The following PPP6R2 variants were observed in gnomAD, a reference collection of about 807,000 sequenced individuals.
The protein encoded by PPP6R2 is serine/threonine-protein phosphatase 6 regulatory subunit 2.
PPP6R2 carries 62 observed loss-of-function variants against 100.2 expected under a neutral mutation model. The ratio of observed to expected loss-of-function variants is 0.62; its 90% CI spans 0.50 to 0.76. The LOEUF (loss-of-function observed/expected upper bound fraction) is 0.76. Ranked by LOEUF, PPP6R2 falls within the 30% of genes least tolerant of loss-of-function variation. The pLI is 0.00. For synonymous variants in PPP6R2, 525 were observed against 514.7 expected (o/e 1.02, Z -0.27); for missense variants, 1,142 against 1,276.3 (o/e 0.89, Z 1.60).
chr22:50,397,711 T>C (rs12485070), intron 3 of PPP6R2, among the ~76,000 whole-genome samples: 234 of 6,604 alleles, frequency 0.035, 16 homozygotes, highest in South Asian at 0.057. Flanking sequence ...CTCACCAGCC[T>C]TGTCATCTCT....
intron 3 of PPP6R2, among the ~76,000 whole-genome samples, chr22:50,399,833 C>T (rs1375745752): frequency 6.6e-6 from 1 of 152,220 alleles, no homozygotes; most frequent in East Asian, 1.9e-4. Context: ...CACTGCCTGC[C>T]CAGGCCACAG....
intron 4 of PPP6R2, among the ~76,000 whole-genome samples, chr22:50,413,340 CATAAT>C (rs921037078): frequency 3.3e-5 from 5 of 152,184 alleles, no homozygotes; most frequent in East Asian, 3.9e-4. Flanking sequence ...ATTAATTTCT[CATAAT>C]ATAGCAGGTG....
At chr22:50,361,085 C>T (rs566308027) in intron 1 of PPP6R2, among the ~76,000 whole-genome samples, 1 of 152,322 alleles carries the variant, frequency 6.6e-6, no homozygotes, top group Admixed American at 6.5e-5. Flanking sequence ...CATCTCTAAG[C>T]CTGTGGAACT....
intron 3 of PPP6R2, among the ~76,000 whole-genome samples, chr22:50,398,507 T>C (rs2057481507): frequency 6.8e-6 from 1 of 147,160 alleles, no homozygotes; most frequent in African/African-American, 2.5e-5. Flanking sequence ...AAAAAAAACA[T>C]ATTAAGACTT....
At chr22:50,393,239 C>T (rs1301738247) in intron 2 of PPP6R2, among the ~76,000 whole-genome samples, 1 of 152,064 alleles carries the variant, frequency 6.6e-6, no homozygotes, top group Admixed American at 6.6e-5. Flanking sequence ...TGAGGAGGTG[C>T]CTGCTTCAGA....
In PPP6R2 at chr22:50,443,904, GC is replaced by G; in HGVS notation, c.2622del (p.Ala875ArgfsTer5). 6.3e-7 allele frequency: 1 copy of G among 1,590,838 alleles called. No individual in the cohort carries two copies. The highest frequency in any genetic ancestry group is 2.3e-5 in the East Asian group (1 of 43,474). ...CADSRLLSPA[C>X]PAPKEVTAAP... ...GACAGCCGGCTGTTAAGCCCTGCCTGCCCCGCGCCAAAGGAAGTGACTGCTG... is the reference window on the plus strand; with the variant it reads ...GACAGCCGGCTGTTAAGCCCTGCCTGCCCGCGCCAAAGGAAGTGACTGCTG... On this transcript the variant is annotated frameshift_variant, in exon 23 of 24. Coordinates refer to ENST00000612753, the MANE Select transcript of PPP6R2 (RefSeq NM_001242898.2). LOFTEE classifies it high-confidence loss of function.
chr22:50,439,118 G>A (rs944629376), intron 19 of PPP6R2, among the ~76,000 whole-genome samples: 6 of 152,176 alleles, frequency 3.9e-5, no homozygotes, highest in South Asian at 2.1e-4. Flanking sequence ...CTTCATGGCC[G>A]ACATCTATGG....
At chr22:50,364,823 G>A (rs1399748976) in intron 1 of PPP6R2, among the ~76,000 whole-genome samples, 1 of 152,004 alleles carries the variant, frequency 6.6e-6, no homozygotes, top group Non-Finnish European at 1.5e-5. Context: ...GAGTGCCAAA[G>A]TTGTATTGTG....
chr22:50,409,294 T>C (rs1335974974), intron 4 of PPP6R2, among the ~76,000 whole-genome samples: 5 of 152,220 alleles, frequency 3.3e-5, no homozygotes, highest in African/African-American at 9.6e-5. Context: ...AGAGAAAATA[T>C]TTCATGAACC....
At chr22:50,350,332 G>C (rs1602047210) in intron 1 of PPP6R2, among the ~76,000 whole-genome samples, 1 of 151,142 alleles carries the variant, frequency 6.6e-6, no homozygotes, top group Non-Finnish European at 1.5e-5. Flanking sequence ...CCGAGTTCAA[G>C]CGATTCTCCT....
upstream of PPP6R2, among the ~76,000 whole-genome samples, chr22:50,339,146 G>C (rs1270586270): frequency 7.1e-6 from 1 of 140,332 alleles, no homozygotes; most frequent in African/African-American, 2.6e-5. Context: ...GTGGTTTGTG[G>C]TGTGTGTGTG....
At chr22:50,432,468 T>C in intron 12 of PPP6R2, 139 bp downstream of exon 12, 1 of 802,848 alleles carries the variant, frequency 1.2e-6, no homozygotes, top group Non-Finnish European at 2.0e-6. Flanking sequence ...GGCTCCACGT[T>C]CTGGGGCTGC....
intron 10 of PPP6R2, among the ~76,000 whole-genome samples, chr22:50,424,661 T>C (rs1161498653): frequency 8.8e-6 from 1 of 113,788 alleles, no homozygotes; most frequent in East Asian, 3.1e-4. Flanking sequence ...TTTTTTGAGA[T>C]GGAGTCTCTC....
At chr22:50,361,968 G>A (rs1159985366) in intron 1 of PPP6R2, among the ~76,000 whole-genome samples, 1 of 152,142 alleles carries the variant, frequency 6.6e-6, no homozygotes, top group Admixed American at 6.5e-5. Context: ...TACCTGCAGT[G>A]CACATGCAGC....
chr22:50,366,352 C>A (rs1406734505), intron 1 of PPP6R2, among the ~76,000 whole-genome samples: 4 of 150,162 alleles, frequency 2.7e-5, no homozygotes, highest in Non-Finnish European at 5.9e-5. Flanking sequence ...GCTCTGTCAC[C>A]TAGGCTGGAG....
chr22:50,440,976 G>C lies in PPP6R2; in HGVS notation c.2529G>C (p.Arg843=). The stretch of plus-strand genomic sequence containing the variant: ...ATGCGGTGAGCAGGGGTCCCGGCCG[G>C]GAGGCCCCCCCGCTGCCCACAGTGG... ...AMDAVSRGPG[R]EAPPLPTVAR... Residue 843 remains arginine (R), a synonymous_variant, in exon 22 of 24, where the codon CGG becomes CGC. Coordinates refer to ENST00000612753, the MANE Select transcript of PPP6R2 (RefSeq NM_001242898.2). 1 of 1,611,644 alleles carries C rather than the reference G, an allele frequency of 6.2e-7. No individual in the cohort carries two copies. Among genetic ancestry groups the C allele is most frequent in the Non-Finnish European group, 8.5e-7 (1 of 1,178,882 alleles).
upstream of PPP6R2, among the ~76,000 whole-genome samples, chr22:50,342,898 C>A (rs569265450): frequency 6.6e-6 from 1 of 152,216 alleles, no homozygotes; most frequent in East Asian, 1.9e-4. Flanking sequence ...CTGCTCGGGG[C>A]GTCCACGCCC....
the PPP6R2 span, among the ~76,000 whole-genome samples, chr22:50,335,829 C>G: frequency 3.5e-5 from 5 of 143,408 alleles, 1 homozygote; most frequent in Admixed American, 1.4e-4. Flanking sequence ...GCACCTGCCA[C>G]CACGCCCGAC....
Position 50,360,603 on chromosome 22 carries a change from A to G in PPP6R2, c.-147-11417A>G, listed in dbSNP as rs566152720. Among the ~76,000 whole-genome samples the G allele has an allele frequency of 3.3e-3, 502 of 152,220 alleles. 3 individuals carry two copies. Among genetic ancestry groups the G allele is most frequent in the South Asian group, 8.5e-3 (41 of 4,824 alleles). On this transcript the variant is annotated intron_variant, in intron 1 of 23. Transcript: ENST00000612753. ...GGTCTTGAACTCCTGGCTTCAAGCA[A>G]TCCTCCTGCCTGGACCTCCCAAAGC... is the stretch of plus-strand genomic sequence containing the variant.
Sources: gnomAD v4.1 joint callset for allele counts (sites outside exome capture counted in the v4.1 genomes callset) on GRCh38, gnomAD v4.1.1 for gene constraint, MANE v1.5 for transcripts, NCBI Gene and HGNC (gene_info 2026-07-23, HGNC 2026-07-21) for gene names.